Variants in EPB41L1 observed in about 807,000 individuals in gnomAD.
EPB41L1 encodes the protein band 4.1-like protein 1.
Under a neutral mutation model 97.8 loss-of-function variants are expected in EPB41L1, and 29 were observed. The ratio of observed to expected loss-of-function variants is 0.30; its 90% CI spans 0.22 to 0.40. The LOEUF is 0.40. Among genes scored for constraint, EPB41L1 ranks in the 10% least tolerant of loss-of-function variants. The pLI, the probability that EPB41L1 is intolerant of heterozygous loss-of-function variation, is 1.00. For missense variants in EPB41L1, 812 were observed against 1,162.3 expected (o/e 0.70, Z 4.38); for synonymous variants, 383 against 459.2 (o/e 0.83, Z 2.12).
intron 2 of EPB41L1, among the ~76,000 whole-genome samples, chr20:36,145,104 G>A (rs1045660620): frequency 6.6e-6 from 1 of 152,146 alleles, no homozygotes; most frequent in African/African-American, 2.4e-5. Context: ...TGACTCAGTA[G>A]GTCTGTGTGG....
At chr20:36,215,904 G>T (rs1045474082) in intron 17 of EPB41L1, among the ~76,000 whole-genome samples, 1 of 152,172 alleles carries the variant, frequency 6.6e-6, no homozygotes, top group Non-Finnish European at 1.5e-5. Flanking sequence ...AGGCCCAGCT[G>T]TCCCACTTCC....
chr20:36,110,894 G>A (rs1454557704), intron 1 of EPB41L1: 4 of 152,218 alleles, frequency 2.6e-5, no homozygotes, highest in African/African-American at 9.7e-5. Flanking sequence ...GAACGGGAAT[G>A]GTATGTGTAC....
intron 2 of EPB41L1, 133 bp from the exon 3 acceptor site, chr20:36,175,417 TG>T: frequency 9.9e-7 from 1 of 1,011,978 alleles, no homozygotes; most frequent in Non-Finnish European, 1.5e-6. Flanking sequence ...AGTTGCCCTG[TG>T]GGTCTCAGAC....
chr20:36,179,431 G>C (rs1333262896), intron 5 of EPB41L1, among the ~76,000 whole-genome samples: 1 of 152,256 alleles, frequency 6.6e-6, no homozygotes, highest in African/African-American at 2.4e-5. Context: ...TGTTGGCTGA[G>C]CCAGGTCTTG....
At chr20:36,183,198 C>T (rs945829385) in intron 6 of EPB41L1, among the ~76,000 whole-genome samples, 2 of 152,160 alleles carry the variant, frequency 1.3e-5, no homozygotes, top group African/African-American at 4.8e-5. Context: ...GGTGATGGGC[C>T]TTATACTCCC....
At chr20:36,095,224 G>A (rs1040145453) in intron 1 of EPB41L1, among the ~76,000 whole-genome samples, 2 of 151,852 alleles carry the variant, frequency 1.3e-5, no homozygotes, top group African/African-American at 2.4e-5. Context: ...CACCCGCCTC[G>A]GCCTCCCAAA....
At chr20:36,182,390 G>A (rs1431527719) in intron 6 of EPB41L1, 43 bp downstream of exon 6, 2 of 1,603,940 alleles carry the variant, frequency 1.2e-6, no homozygotes, top group South Asian at 2.2e-5. Context: ...GGCTGTGTGG[G>A]ACTATGGATG....
intron 5 of EPB41L1, among the ~76,000 whole-genome samples, chr20:36,180,867 G>A (rs1336828673): frequency 1.3e-5 from 2 of 152,124 alleles, no homozygotes; most frequent in Admixed American, 6.5e-5. Flanking sequence ...CCAAGGAGTC[G>A]GTGTGGTCAG....
In EPB41L1 at chr20:36,092,974, G is replaced by GT. The variant is rs1253887139; in HGVS notation, c.-65+1363dup. ...CTCCAGGAGCCGCGGGCTTCGGTTC[G>GT]TGTGTGTGGGGACTGTCGCGGGTTT... On this transcript the variant is annotated intron_variant, in intron 1 of 19. Coordinates refer to the EPB41L1 transcript ENST00000202028. The surrounding 1 kb of genome is among the most constrained non-coding windows in gnomAD (Gnocchi z 7.0). 6.6e-6 allele frequency: 1 copy of GT among 152,264 alleles called. No individual in the cohort carries two copies. The highest frequency in any genetic ancestry group is 1.9e-4 in the East Asian group (1 of 5,164). 9.4% of individuals were successfully genotyped at this position (152,264 alleles called of 1,614,324 possible). A position where few individuals can be genotyped will look rare whatever the true frequency, so the allele number is the denominator to read the frequency against.
chr20:36,142,147 C>T (rs1173908127), intron 2 of EPB41L1, among the ~76,000 whole-genome samples: 2 of 150,752 alleles, frequency 1.3e-5, no homozygotes, highest in Admixed American at 6.6e-5. Context: ...GAACAAAAAA[C>T]GTATTTTGTA....
chr20:36,153,143 G>A (rs989819598), upstream of EPB41L1: 9 of 456,022 alleles, frequency 2.0e-5, no homozygotes, highest in Non-Finnish European at 3.5e-5. Flanking sequence ...ATGGTACAAA[G>A]GGACGCAATT....
intron 2 of EPB41L1, among the ~76,000 whole-genome samples, chr20:36,130,415 A>G (rs937253037): frequency 2.0e-5 from 3 of 152,112 alleles, no homozygotes; most frequent in African/African-American, 7.2e-5. Flanking sequence ...CCGCATCATC[A>G]GTACTGTCCT....
At chr20:36,166,452 C>G (rs1406508742) in intron 1 of EPB41L1, among the ~76,000 whole-genome samples, 3 of 152,156 alleles carry the variant, frequency 2.0e-5, no homozygotes, top group African/African-American at 7.2e-5. Flanking sequence ...TTTTATTTAT[C>G]AAGAACTGCG....
At chr20:36,181,666 A>G (rs572137231) in intron 5 of EPB41L1, among the ~76,000 whole-genome samples, 55 of 152,348 alleles carry the variant, frequency 3.6e-4, no homozygotes, top group African/African-American at 1.3e-3. Flanking sequence ...AAATGGATAC[A>G]ACAGATCAAA....
chr20:36,189,865 G>C (rs930978203), intron 9 of EPB41L1, among the ~76,000 whole-genome samples: 1 of 152,192 alleles, frequency 6.6e-6, no homozygotes, highest in African/African-American at 2.4e-5. Context: ...TATTGATTCA[G>C]TGAATGAACA....
intron 14 of EPB41L1, among the ~76,000 whole-genome samples, chr20:36,205,340 C>T (rs1407667492): frequency 6.6e-6 from 1 of 152,204 alleles, no homozygotes; most frequent in Non-Finnish European, 1.5e-5. Context: ...ACTCTGTCTT[C>T]TACTAACAGT....
intron 2 of EPB41L1, among the ~76,000 whole-genome samples, chr20:36,134,688 G>A (rs1206919377): frequency 6.6e-6 from 1 of 152,126 alleles, no homozygotes; most frequent in Non-Finnish European, 1.5e-5. Context: ...TTACTGCCCA[G>A]CCTGGGCTAT....
chr20:36,194,348 C>T lies in EPB41L1; in HGVS notation c.1437C>T (p.Ile479=). 2.5e-6 allele frequency: 4 copies of T among 1,611,804 alleles called. No individual in the cohort carries two copies. Among genetic ancestry groups the T allele is most frequent in the Non-Finnish European group, 3.4e-6 (4 of 1,178,952 alleles). Residue 479 remains isoleucine (I), a synonymous_variant, in exon 12 of 22, where the codon ATC becomes ATT. Coordinates refer to ENST00000338074, the MANE Select transcript of EPB41L1 (RefSeq NM_012156.2). ...GAGAGGTCAGGACTCCAACCAAGAT[C>T]AAGGAGCTAAAGGTAGGAGCCTGGC... The part of the protein sequence containing the change: ...EEGEVRTPTK[I]KELKPEQETT...
chr20:36,215,690 A>G (rs978911401), intron 17 of EPB41L1, among the ~76,000 whole-genome samples: 1 of 152,162 alleles, frequency 6.6e-6, no homozygotes, highest in African/African-American at 2.4e-5. Flanking sequence ...AGGCACTTAT[A>G]CCATTCATTT....
Sources: allele counts gnomAD v4.1 joint callset (sites outside exome capture counted in the v4.1 genomes callset), GRCh38; gene constraint gnomAD v4.1.1; non-coding constraint Gnocchi (gnomAD v3.1); transcripts MANE v1.5; gene names NCBI Gene and HGNC (gene_info 2026-07-23, HGNC 2026-07-21).